Variants in NFATC2 observed in about 807,000 individuals in gnomAD.
NFATC2 encodes nuclear factor of activated T cells 2.
A neutral mutation model predicts 87.3 loss-of-function variants in NFATC2; 22 were observed. The ratio of observed to expected loss-of-function variants is 0.25; its 90% confidence interval spans 0.18 to 0.36. NFATC2 has a LOEUF of 0.36. NFATC2 is among the 10% of genes least tolerant of loss of function. NFATC2 has a pLI of 1.00. For missense variants in NFATC2, 1,149 were observed against 1,259.1 expected (o/e 0.91, Z 1.32); for synonymous variants, 565 against 542.2 (o/e 1.04, Z -0.58).
chr20:51,454,528 G>T lies in NFATC2; in HGVS notation c.1849+20C>A, dbSNP rs1986185771. 1.2e-6 allele frequency: 2 copies of T among 1,613,128 alleles called. No homozygotes were observed. The highest frequency in any genetic ancestry group is 1.1e-5 in the South Asian group (1 of 91,016). ...TGCATGATTCTGGGGGACAGAGAAA[G>T]AGCTCAAAAATCCACTGACCTGTGG... On this transcript the variant is annotated intron_variant, in intron 6 of 10. Coordinates refer to ENST00000371564, the MANE Select transcript of NFATC2 (RefSeq NM_012340.5).
intron 3 of NFATC2, among the ~76,000 whole-genome samples, chr20:51,509,013 C>T (rs1365826855): frequency 6.6e-6 from 1 of 152,106 alleles, no homozygotes; most frequent in Admixed American, 6.5e-5. Context: ...GCGAGGCCCA[C>T]GATCCGCCCC....
At chr20:51,516,354 A>G (rs1312271244) in intron 3 of NFATC2, among the ~76,000 whole-genome samples, 1 of 152,256 alleles carries the variant, frequency 6.6e-6, no homozygotes, top group Non-Finnish European at 1.5e-5. Context: ...ATACTAATAT[A>G]GCTATTTTAG....
intron 3 of NFATC2, among the ~76,000 whole-genome samples, chr20:51,486,777 A>G (rs1045726818): frequency 6.6e-6 from 1 of 152,068 alleles, no homozygotes; most frequent in Non-Finnish European, 1.5e-5. Context: ...CTGAGAAAGG[A>G]GGCTCATTCA....
intron 2 of NFATC2, among the ~76,000 whole-genome samples, chr20:51,517,687 T>C (rs140089124): frequency 0.011 from 1,697 of 151,348 alleles, 34 homozygotes; most frequent in African/African-American, 0.039. Context: ...GAGGCTGAGG[T>C]GGGCAGATCA....
chr20:51,554,030 G>A (rs2076957053), intron 1 of NFATC2, among the ~76,000 whole-genome samples: 2 of 151,946 alleles, frequency 1.3e-5, no homozygotes, highest in Admixed American at 6.6e-5. Flanking sequence ...CATCTGTACC[G>A]ATTTCCTAAT....
intron 3 of NFATC2, among the ~76,000 whole-genome samples, chr20:51,493,133 G>A (rs996305411): frequency 6.6e-6 from 1 of 152,214 alleles, no homozygotes; most frequent in Non-Finnish European, 1.5e-5. Flanking sequence ...TGGGGGCTAG[G>A]GAGTCGGCAG....
At chr20:51,444,877 G>C (rs548370170) in intron 6 of NFATC2, among the ~76,000 whole-genome samples, 1 of 151,976 alleles carries the variant, frequency 6.6e-6, no homozygotes, top group Non-Finnish European at 1.5e-5. Flanking sequence ...TCAGCCGCCC[G>C]ACAGGGTAAC....
At chr20:51,427,216 C>T (rs1205162232) in intron 9 of NFATC2, among the ~76,000 whole-genome samples, 13 of 152,080 alleles carry the variant, frequency 8.5e-5, no homozygotes, top group African/African-American at 2.2e-4. Context: ...TGAGATGGCC[C>T]GATGACCTCT....
upstream of NFATC2, among the ~76,000 whole-genome samples, chr20:51,543,418 G>A (rs1461447121): frequency 6.6e-6 from 1 of 152,206 alleles, no homozygotes; most frequent in East Asian, 1.9e-4. Flanking sequence ...ATAAAGGTTG[G>A]GGTGGCTTTA....
intron 8 of NFATC2, 55 bp downstream of exon 8, chr20:51,435,133 C>A: frequency 1.9e-6 from 3 of 1,603,192 alleles, no homozygotes; most frequent in Non-Finnish European, 2.6e-6. Flanking sequence ...GAGTCCTGAG[C>A]CCTGTGCCTG....
intron 3 of NFATC2, among the ~76,000 whole-genome samples, chr20:51,481,313 G>A (rs761297848): frequency 7.2e-5 from 11 of 151,894 alleles, no homozygotes; most frequent in East Asian, 1.9e-4. Flanking sequence ...CCCCATTTTC[G>A]GGAGACCTCG....
rs148294281 is a variant in NFATC2 at position 51,432,425 on chromosome 20, G to C, written c.2364C>G (p.Ala788=). The change falls in exon 9 of 11, where the codon GCC becomes GCG. Residue 788 remains alanine, a synonymous_variant. Transcript: ENST00000371564. This position sits in a 1 kb window ranked among gnomAD's most constrained non-coding sequence, Gnocchi z 4.6. ...ADAHRSVLVH[A]GSQGQSSALL... ...GGGCTGAGCTCTGGCCCTGGGAGCCGGCGTGCACCAGCACAGAGCGGTGAG... is the reference window on the plus strand; with the variant it reads ...GGGCTGAGCTCTGGCCCTGGGAGCCCGCGTGCACCAGCACAGAGCGGTGAG... 3.8e-6 allele frequency: 6 copies of C among 1,589,410 alleles called. No homozygotes were observed. The highest frequency in any genetic ancestry group is 3.4e-6 in the Non-Finnish European group (4 of 1,166,180).
rs781646185 is a variant in NFATC2, at chr20:51,516,769, C to T, written c.1332+15G>A. On this transcript the variant is annotated intron_variant, in intron 3 of 10. Coordinates refer to ENST00000371564, the MANE Select transcript of NFATC2 (RefSeq NM_012340.5). The stretch of plus-strand genomic sequence containing the variant: ...CAAACACCACACACAAAAGGAAGAG[C>T]ATTCAAGTCCATACCTGAACCACAG... The T allele has an allele frequency of 6.3e-7, 1 of 1,579,820 alleles. No homozygotes were observed. The highest frequency in any genetic ancestry group is 1.4e-5 in the African/African-American group (1 of 73,768).
rs2146723401 is a variant in NFATC2 at position 51,523,788 on chromosome 20, G to A, written c.453C>T (p.Phe151=). 1 of 1,609,308 alleles carries A rather than the reference G, an allele frequency of 6.2e-7. No individual in the cohort carries two copies. The highest frequency in any genetic ancestry group is 2.2e-5 in the East Asian group (1 of 44,702). ...PLAGVAASPR[F]TLPVPGFEGY... The stretch of plus-strand genomic sequence containing the variant: ...CCTCGAAGCCGGGCACGGGCAGGGT[G>A]AACCTCGGGCTGGCGGCCACCCCGG... The change falls in exon 2 of 11, where the codon TTC becomes TTT. Residue 151 remains phenylalanine, a synonymous_variant. Coordinates refer to ENST00000371564, the MANE Select transcript of NFATC2 (RefSeq NM_012340.5). The surrounding 1 kb of genome is among the most constrained non-coding windows in gnomAD (Gnocchi z 6.9).
At position 51,417,531 on chromosome 20, in the gene NFATC2, G is replaced by C. The variant is rs1168413740; in HGVS notation, c.2722+14536C>G. On this transcript the variant is annotated intron_variant, in intron 9 of 10. Transcript: ENST00000371564. Reference sequence around the variant, plus strand: ...TCTTCCTCCCGGTCTCAAATCCAAAGTCACTTCCTCAAAGAGGTTGGTCCT... The same window carrying C: ...TCTTCCTCCCGGTCTCAAATCCAAACTCACTTCCTCAAAGAGGTTGGTCCT... Among the ~76,000 whole-genome samples the C allele has an allele frequency of 3.3e-5, 5 of 152,112 alleles. No individual in the cohort carries two copies. In the East Asian group the frequency reaches 9.6e-4, roughly 29 times the overall value.
chr20:51,525,923 A>ACCCCCC (rs1460041867), intron 1 of NFATC2, among the ~76,000 whole-genome samples: 4 of 52,616 alleles, frequency 7.6e-5, no homozygotes, highest in Admixed American at 1.8e-4. Flanking sequence ...CCTGCCACCC[A>ACCCCCC]CCCCCACCAC....
chr20:51,527,274 C>T (rs1399670113), intron 1 of NFATC2, among the ~76,000 whole-genome samples: 2 of 152,098 alleles, frequency 1.3e-5, no homozygotes, highest in Non-Finnish European at 2.9e-5. Flanking sequence ...CCTGCCTCAA[C>T]AGCTCCTCCC....
intron 1 of NFATC2, among the ~76,000 whole-genome samples, chr20:51,533,805 C>T (rs186710614): frequency 1.6e-4 from 25 of 152,338 alleles, no homozygotes; most frequent in Middle Eastern, 3.4e-3. Flanking sequence ...CACGAACCCA[C>T]GCGCTGACAC....
intron 3 of NFATC2, among the ~76,000 whole-genome samples, chr20:51,489,331 A>C (rs2075842993): frequency 6.6e-6 from 1 of 152,196 alleles, no homozygotes; most frequent in Non-Finnish European, 1.5e-5. Flanking sequence ...CTGCAGCCCC[A>C]GCAATCATTT....
Sources: gnomAD v4.1 joint callset for allele counts (sites outside exome capture counted in the v4.1 genomes callset) on GRCh38, gnomAD v4.1.1 for gene constraint, Gnocchi (gnomAD v3.1) non-coding constraint, MANE v1.5 for transcripts, NCBI Gene and HGNC (gene_info 2026-07-23, HGNC 2026-07-21) for gene names.